Variants in HPSE observed in about 807,000 individuals in gnomAD.
HPSE encodes the protein endo-glucoronidase.
A neutral mutation model predicts 65.1 loss-of-function variants in HPSE; 48 were observed. That is an observed-to-expected ratio of 0.74 (90% CI 0.58 to 0.94). The LOEUF (loss-of-function observed/expected upper bound fraction) is 0.94. HPSE is among the 40% of genes least tolerant of loss of function. The pLI is 0.00. For synonymous variants in HPSE, 243 were observed against 260.0 expected (o/e 0.93, Z 0.63); for missense variants, 644 against 637.5 (o/e 1.01, Z -0.11).
At chr4:83,313,332 A>G in intron 3 of HPSE, 45 bp from the exon 4 acceptor site, 3 of 1,328,022 alleles carry the variant, frequency 2.3e-6, no homozygotes, top group Non-Finnish European at 3.1e-6. Context: ...TGGCACCACA[A>G]TGAAGGCCTC....
intron 11 of HPSE, among the ~76,000 whole-genome samples, chr4:83,300,161 AGTCAATAATTGGTTTTT>A (rs1735886387): frequency 6.6e-6 from 1 of 152,358 alleles, no homozygotes; most frequent in African/African-American, 2.4e-5. Context: ...TATAAGATGT[AGTCAATAATTGGTTTTT>A]GAAACCAAAG....
chr4:83,326,067 G>C lies in HPSE; in HGVS notation c.228-3703C>G, dbSNP rs1252312491. 6.6e-6 allele frequency among the ~76,000 whole-genome samples: 1 copy of C among 152,178 alleles called. No individual in the cohort carries two copies. Among genetic ancestry groups the C allele is most frequent in the Non-Finnish European group, 1.5e-5 (1 of 68,032 alleles). ...GCAACGGTGAGCCATGGAAGGATCTGAAGCAGCTGGAGTGACCTCACCAGA... is the reference window on the plus strand; with the variant it reads ...GCAACGGTGAGCCATGGAAGGATCTCAAGCAGCTGGAGTGACCTCACCAGA... On this transcript the variant is annotated intron_variant, in intron 1 of 11. Coordinates refer to ENST00000311412, the MANE Select transcript of HPSE (RefSeq NM_001098540.3). This position sits in a 1 kb window ranked among gnomAD's most constrained non-coding sequence, Gnocchi z 4.2.
rs1468761239 is a variant in HPSE, at chr4:83,301,098, T to C, written c.1334A>G (p.Tyr445Cys). Residue 445 changes from tyrosine (Y) to cysteine (C), a missense_variant, in exon 11 of 12, where the codon TAT becomes TGT. Transcript: ENST00000311412. ...ATACAGAGTTAAATCTCCTTCTTTA[T>C]ACCTTGGACTAAAAGCAAAGAGGTT... is the stretch of plus-strand genomic sequence containing the variant. ...LHCTNTDNPR[Y>C]KEGDLTLYAI... 1 of 1,576,594 alleles carries C rather than the reference T, an allele frequency of 6.3e-7. No homozygotes were observed. The highest frequency in any genetic ancestry group is 8.6e-7 in the Non-Finnish European group (1 of 1,163,490).
intron 1 of HPSE, among the ~76,000 whole-genome samples, chr4:83,322,785 TTGTTTG>T (rs1475157300): frequency 0.031 from 2,474 of 78,690 alleles, 45 homozygotes; most frequent in East Asian, 0.11. Context: ...TGGCAAGAGC[TTGTTTG>T]TGTGTGTGTG....
chr4:83,295,775 C>T (rs557660290), intron 11 of HPSE, among the ~76,000 whole-genome samples: 1 of 152,230 alleles, frequency 6.6e-6, no homozygotes, highest in South Asian at 2.1e-4. Context: ...ATGGAACACA[C>T]ACAATCTATA....
intron 1 of HPSE, among the ~76,000 whole-genome samples, chr4:83,332,243 T>C (rs1008178935): frequency 6.6e-6 from 1 of 152,216 alleles, no homozygotes; most frequent in Non-Finnish European, 1.5e-5. Context: ...CAAAGCTTAG[T>C]GTTGTCTTCT....
chr4:83,308,925 C>G lies in HPSE; in HGVS notation c.1011G>C (p.Lys337Asn), dbSNP rs776745115. Residue 337 changes from lysine to asparagine, a missense_variant, in exon 8 of 12, where the codon AAG becomes AAC. Transcript: ENST00000311412. ...FQVVESTRPGKKVWLGETSSA... is the reference protein window; with the variant it reads ...FQVVESTRPGNKVWLGETSSA... Reference sequence around the variant, plus strand: ...AGCTTGTTTCTCCTAACCAGACCTTCTTGCCAGGCCTGGTGCTCTCAACCA... The same window carrying G: ...AGCTTGTTTCTCCTAACCAGACCTTGTTGCCAGGCCTGGTGCTCTCAACCA... 5.6e-6 allele frequency: 9 copies of G among 1,614,154 alleles called. No individual in the cohort carries two copies. The East Asian group carries it at 2.0e-4, about 36-fold the overall frequency.
At chr4:83,330,795 T>A (rs1469766364) in intron 1 of HPSE, among the ~76,000 whole-genome samples, 1 of 151,802 alleles carries the variant, frequency 6.6e-6, no homozygotes, top group East Asian at 1.9e-4. Context: ...AGCACTATAC[T>A]TTTTTTTACC....
At chr4:83,330,326 A>G (rs1318571156) in intron 1 of HPSE, among the ~76,000 whole-genome samples, 1 of 152,256 alleles carries the variant, frequency 6.6e-6, no homozygotes, top group Non-Finnish European at 1.5e-5. Flanking sequence ...AGGAGGACAG[A>G]GCAGGTAACC....
At position 83,326,898 on chromosome 4, in the gene HPSE, G is replaced by A. The variant is rs540284903; in HGVS notation, c.228-4534C>T. Among the ~76,000 whole-genome samples, 8 of 152,338 alleles carry A rather than the reference G, an allele frequency of 5.3e-5. No homozygotes were observed. The South Asian group carries it at 1.7e-3, about 32-fold the overall frequency. On this transcript the variant is annotated intron_variant, in intron 1 of 11. Transcript: ENST00000311412. The surrounding 1 kb of genome is among the most constrained non-coding windows in gnomAD (Gnocchi z 4.2). ...GAAACGAGCACCTGGAAAAGTTGCT[G>A]TGGCATCACATGACGGGCATCTGTG...
intron 9 of HPSE, 27 bp from the exon 10 acceptor site, chr4:83,302,295 G>T (rs1239425998): frequency 5.0e-6 from 7 of 1,409,216 alleles, no homozygotes; most frequent in Non-Finnish European, 7.0e-6. Flanking sequence ...GGGAGAAAGA[G>T]ACAAAAATAG....
rs373277635 is a variant in HPSE at position 83,315,872 on chromosome 4, C to T, written c.500-2585G>A. Among the ~76,000 whole-genome samples, 6 of 152,218 alleles carry T rather than the reference C, an allele frequency of 3.9e-5. No homozygotes were observed. The East Asian group carries it at 1.2e-3, about 29-fold the overall frequency. ...AAAACCTGGAATGCTTGCACTCATA[C>T]TTTACCCTTCCTCCATTTCTTCATT... On this transcript the variant is annotated intron_variant, in intron 3 of 11. Coordinates refer to ENST00000311412, the MANE Select transcript of HPSE (RefSeq NM_001098540.3).
At position 83,334,667 on chromosome 4, in the gene HPSE, A is replaced by T. The variant is rs769348375; in HGVS notation, c.116T>A (p.Val39Glu). 1 of 1,578,106 alleles carries T rather than the reference A, an allele frequency of 6.3e-7. No homozygotes were observed. Among genetic ancestry groups the T allele is most frequent in the Non-Finnish European group, 8.6e-7 (1 of 1,161,898 alleles). Residue 39 changes from valine to glutamate, a missense_variant, in exon 1 of 12, where the codon GTG becomes GAG. Coordinates refer to ENST00000311412, the MANE Select transcript of HPSE (RefSeq NM_001098540.3). The part of the protein sequence containing the change: ...LPRPAQAQDV[V>E]DLDFFTQEPL... ...CTCCTGGGTGAAGAAGTCCAGGTCC[A>T]CGACGTCCTGTGCTTGCGCAGGTCG... is the stretch of plus-strand genomic sequence containing the variant.
At chr4:83,296,818 TATC>T (rs1735743306) in intron 11 of HPSE, among the ~76,000 whole-genome samples, 1 of 152,174 alleles carries the variant, frequency 6.6e-6, no homozygotes, top group Non-Finnish European at 1.5e-5. Flanking sequence ...AAGTATTATC[TATC>T]ATCATTATTA....
rs1033093262 is a variant in HPSE at position 83,310,750 on chromosome 4, G to T, written c.814C>A (p.Arg272=). ...KLYGPDVGQP[R]RKTAKMLKSF... is the part of the protein sequence containing the mutation. ...TTCAGCATCTTAGCCGTCTTTCTTC[G>T]AGGCTGACCAACATCAGGACCATAG... The change falls in exon 5 of 12, where the codon CGA becomes AGA. Residue 272 remains arginine (R), a synonymous_variant. Coordinates refer to ENST00000311412, the MANE Select transcript of HPSE (RefSeq NM_001098540.3). 6.2e-7 allele frequency: 1 copy of T among 1,613,190 alleles called. No homozygotes were observed. Among genetic ancestry groups the T allele is most frequent in the Non-Finnish European group, 8.5e-7 (1 of 1,179,692 alleles).
intron 9 of HPSE, 62 bp downstream of exon 9, chr4:83,306,141 C>T: frequency 2.1e-6 from 2 of 945,770 alleles, no homozygotes; most frequent in Middle Eastern, 2.1e-4. Flanking sequence ...GAGGTTAACA[C>T]CAGAGGTCCT....
chr4:83,334,504 A>G (rs965329007), intron 1 of HPSE, 52 bp downstream of exon 1: 36 of 1,509,366 alleles, frequency 2.4e-5, no homozygotes, highest in Non-Finnish European at 3.6e-6. Context: ...CGGGGCAGAC[A>G]TAGGTGTCAG....
At chr4:83,334,495 G>T in intron 1 of HPSE, 61 bp downstream of exon 1, 1 of 1,476,628 alleles carries the variant, frequency 6.8e-7, no homozygotes, top group Non-Finnish European at 9.1e-7. Context: ...AGCGGCTGGC[G>T]GGGCAGACAT....
rs1735646568 is a variant in HPSE at position 83,294,241 on chromosome 4, T to C, written c.*1103A>G. 6.6e-6 allele frequency: 1 copy of C among 152,218 alleles called. No individual in the cohort carries two copies. The highest frequency in any genetic ancestry group is 1.5e-5 in the Non-Finnish European group (1 of 68,084). The allele number at this position is 152,218 out of a possible 1,614,324, so 9.4% of individuals were successfully genotyped here. On this transcript the variant is annotated 3_prime_UTR_variant, in exon 12 of 12. Coordinates refer to ENST00000311412, the MANE Select transcript of HPSE (RefSeq NM_001098540.3). ...ACACCCAGCTAATTTTTGTATTTTT[T>C]AGTAGAGATGGGGTTTCACCATGTT... is the stretch of plus-strand genomic sequence containing the variant.
Sources: gnomAD v4.1 joint callset for allele counts (sites outside exome capture counted in the v4.1 genomes callset) on GRCh38, gnomAD v4.1.1 for gene constraint, Gnocchi (gnomAD v3.1) non-coding constraint, MANE v1.5 for transcripts, NCBI Gene and HGNC (gene_info 2026-07-23, HGNC 2026-07-21) for gene names.